CEP63: variants seen among roughly 807,000 people sequenced by gnomAD.
CEP63 encodes centrosomal protein 63, also known as centrosomal protein of 63 kDa.
CEP63 carries 84 observed loss-of-function variants against 89.1 expected under a neutral mutation model. That is an observed-to-expected ratio of 0.94 (90% CI 0.79 to 1.13). The LOEUF is 1.13. Ranked by LOEUF, CEP63 falls within the 50% of genes most tolerant of loss-of-function variation. CEP63 has a pLI of 0.00. For missense variants in CEP63, 838 were observed against 813.3 expected (o/e 1.03, Z -0.37); for synonymous variants, 267 against 272.5 (o/e 0.98, Z 0.20).
At chr3:134,719,790 A>G in the CEP63 span, among the ~76,000 whole-genome samples, 1 of 152,182 alleles carries the variant, frequency 6.6e-6, no homozygotes, top group Non-Finnish European at 1.5e-5. Flanking sequence ...ATGTTGTAGT[A>G]TGTGTCAATA....
chr3:134,760,966 C>T, the CEP63 span, among the ~76,000 whole-genome samples: 102,272 of 151,372 alleles, frequency 0.68, 35,114 homozygotes, highest in East Asian at 0.87. Context: ...TTCAGGTATT[C>T]AGGTTTAATC....
chr3:134,547,642 G>A lies in CEP63; in HGVS notation c.1067+170G>A, dbSNP rs189778021. Among the ~76,000 whole-genome samples, 99 of 23,850 alleles carry A rather than the reference G, an allele frequency of 4.2e-3. 1 individual carries two copies. The highest frequency in any genetic ancestry group is 0.01 in the African/African-American group (93 of 9,230). 15.6% of individuals were successfully genotyped at this position (23,850 alleles called of 152,430 possible). ...TTTTTTTTTTTTTGAGACGGAGTCC[G>A]CTCTGTCACCCAGACTGGAGTGCAA... On this transcript the variant is annotated intron_variant, in intron 9 of 14. Transcript: ENST00000675561.
intron 1 of CEP63, among the ~76,000 whole-genome samples, chr3:134,490,622 A>G (rs1189394758): frequency 7.4e-6 from 1 of 135,744 alleles, no homozygotes; most frequent in Non-Finnish European, 1.6e-5. Flanking sequence ...GATTTGTTTT[A>G]TTATATGCAA....
the CEP63 span, chr3:134,627,745 C>G: frequency 1.2e-6 from 2 of 1,613,186 alleles, no homozygotes; most frequent in Non-Finnish European, 1.7e-6. Context: ...CTGGAAGACT[C>G]TGGAACTTAC....
the CEP63 span, among the ~76,000 whole-genome samples, chr3:134,686,001 A>T: frequency 1.3e-5 from 2 of 152,238 alleles, no homozygotes; most frequent in Admixed American, 1.3e-4. Flanking sequence ...ACTTGCTCCA[A>T]GTCAATCAGC....
chr3:134,740,425 G>A, the CEP63 span, among the ~76,000 whole-genome samples: 2 of 152,158 alleles, frequency 1.3e-5, no homozygotes, highest in African/African-American at 4.8e-5. Context: ...AGCCTCCCGA[G>A]TAGCAGGGAC....
the CEP63 span, among the ~76,000 whole-genome samples, chr3:134,726,779 G>A: frequency 6.6e-6 from 1 of 152,144 alleles, no homozygotes; most frequent in African/African-American, 2.4e-5. Flanking sequence ...AGCCTTCAGA[G>A]CCAGATGCTG....
chr3:134,491,523 T>G (rs773820648), intron 1 of CEP63, among the ~76,000 whole-genome samples: 1 of 152,250 alleles, frequency 6.6e-6, no homozygotes, highest in Non-Finnish European at 1.5e-5. Flanking sequence ...CACTTTTTCA[T>G]ATAAAAGTTT....
the CEP63 span, among the ~76,000 whole-genome samples, chr3:134,703,733 A>C: frequency 6.6e-6 from 1 of 152,194 alleles, no homozygotes; most frequent in Non-Finnish European, 1.5e-5. Flanking sequence ...ACCATGGCAC[A>C]TGTTTACCTA....
the CEP63 span, among the ~76,000 whole-genome samples, chr3:134,719,660 T>C: frequency 2.0e-5 from 3 of 152,156 alleles, no homozygotes; most frequent in Non-Finnish European, 2.9e-5. Context: ...CCTTAAACAA[T>C]CATTAATCTA....
chr3:134,546,103 G>A (rs1488502844), intron 7 of CEP63, 46 bp from the exon 8 acceptor site: 1 of 1,603,382 alleles, frequency 6.2e-7, no homozygotes, highest in East Asian at 2.2e-5. Context: ...GGTTCTGCAG[G>A]AATTAAAAAG....
chr3:134,569,074 C>T (rs376913539), downstream of CEP63, among the ~76,000 whole-genome samples: 4 of 152,140 alleles, frequency 2.6e-5, no homozygotes, highest in East Asian at 3.9e-4. Context: ...ACGAGAACAG[C>T]GTGAGAAAGA....
the CEP63 span, among the ~76,000 whole-genome samples, chr3:134,627,156 C>T: frequency 1.3e-5 from 2 of 152,128 alleles, no homozygotes; most frequent in Non-Finnish European, 2.9e-5. Flanking sequence ...ATTAAATCTA[C>T]CTGTGAGGAG....
chr3:134,548,382 G>A (rs1954054112), intron 9 of CEP63, among the ~76,000 whole-genome samples: 1 of 152,148 alleles, frequency 6.6e-6, no homozygotes, highest in African/African-American at 2.4e-5. Context: ...TTACTTCCTT[G>A]GGTGTTAATT....
the CEP63 span, among the ~76,000 whole-genome samples, chr3:134,664,554 T>A: frequency 2.0e-5 from 3 of 152,216 alleles, no homozygotes; most frequent in Non-Finnish European, 4.4e-5. Flanking sequence ...AGGGTGGTGA[T>A]GTGCGCACAG....
chr3:134,735,015 T>G, the CEP63 span, among the ~76,000 whole-genome samples: 1 of 152,136 alleles, frequency 6.6e-6, no homozygotes, highest in African/African-American at 2.4e-5. Context: ...AACTTTAACA[T>G]TTTTTACACT....
the CEP63 span, among the ~76,000 whole-genome samples, chr3:134,741,639 A>C: frequency 1.3e-5 from 2 of 152,182 alleles, no homozygotes; most frequent in Non-Finnish European, 2.9e-5. Context: ...ATAGATTTAA[A>C]CAATCGTGTC....
At chr3:134,715,994 T>C in the CEP63 span, among the ~76,000 whole-genome samples, 2 of 152,108 alleles carry the variant, frequency 1.3e-5, no homozygotes, top group Non-Finnish European at 2.9e-5. Flanking sequence ...TTTTTATCAC[T>C]ATTAATCCCC....
the CEP63 span, among the ~76,000 whole-genome samples, chr3:134,645,327 C>T: frequency 1.3e-5 from 2 of 152,150 alleles, no homozygotes; most frequent in Non-Finnish European, 2.9e-5. Context: ...AAGCAGTGCA[C>T]GGGGTAGCAA....
Sources: gnomAD v4.1 joint callset for allele counts (sites outside exome capture counted in the v4.1 genomes callset) on GRCh38, gnomAD v4.1.1 for gene constraint, MANE v1.5 for transcripts, NCBI Gene and HGNC (gene_info 2026-07-23, HGNC 2026-07-21) for gene names.